The following CCDC178 variants were observed in gnomAD, a reference collection of about 807,000 sequenced individuals.
The protein encoded by CCDC178 is coiled-coil domain containing 178.
CCDC178 carries 126 observed loss-of-function variants against 117.4 expected under a neutral mutation model. The observed-to-expected ratio is 1.07, with a 90% CI of 0.93 to 1.24. The LOEUF (loss-of-function observed/expected upper bound fraction) is 1.24. Among genes scored for constraint, CCDC178 ranks in the 50% most tolerant of loss-of-function variants. CCDC178 has a pLI of 0.00. For missense variants in CCDC178, 1,030 were observed against 986.9 expected (o/e 1.04, Z -0.59); for synonymous variants, 283 against 313.4 (o/e 0.90, Z 1.02).
intron 14 of CCDC178, among the ~76,000 whole-genome samples, chr18:33,248,122 T>C (rs537712110): frequency 4.0e-5 from 6 of 151,882 alleles, no homozygotes; most frequent in Non-Finnish European, 7.4e-5. Flanking sequence ...TACAAAGTGA[T>C]GTAATAAATG....
At chr18:33,378,066 T>C (rs1201339597) in intron 5 of CCDC178, among the ~76,000 whole-genome samples, 68 of 152,222 alleles carry the variant, frequency 4.5e-4, no homozygotes, top group Admixed American at 4.4e-3. Context: ...ATTGATTCTT[T>C]CAATCCATGA....
intron 10 of CCDC178, among the ~76,000 whole-genome samples, chr18:33,325,741 G>A (rs187430394): frequency 1.3e-5 from 2 of 152,090 alleles, no homozygotes; most frequent in East Asian, 1.9e-4. Context: ...AGGTATTTTT[G>A]AGAGTATAAT....
intron 20 of CCDC178, among the ~76,000 whole-genome samples, chr18:33,166,102 A>C (rs2058524915): frequency 6.6e-6 from 1 of 152,170 alleles, no homozygotes; most frequent in South Asian, 2.1e-4. Context: ...AGAGTGAAAA[A>C]GACAGATATC....
intron 11 of CCDC178, among the ~76,000 whole-genome samples, chr18:33,314,671 C>T (rs138496045): frequency 6.6e-6 from 1 of 152,252 alleles, no homozygotes; most frequent in African/African-American, 2.4e-5. Context: ...TCGGATCTGA[C>T]CTTCCATCCC....
chr18:33,331,618 A>C (rs1442144495), intron 10 of CCDC178, among the ~76,000 whole-genome samples: 1 of 152,128 alleles, frequency 6.6e-6, no homozygotes, highest in African/African-American at 2.4e-5. Context: ...TCTCATTAGA[A>C]ATACAATGAG....
At chr18:33,301,651 G>T (rs914476007) in intron 11 of CCDC178, among the ~76,000 whole-genome samples, 1 of 152,216 alleles carries the variant, frequency 6.6e-6, no homozygotes, top group African/African-American at 2.4e-5. Flanking sequence ...TTATTTCAGA[G>T]CTTTAAGATT....
intron 21 of CCDC178, among the ~76,000 whole-genome samples, chr18:33,039,116 T>C (rs2144886574): frequency 6.6e-6 from 1 of 151,656 alleles, no homozygotes; most frequent in South Asian, 2.1e-4. Flanking sequence ...GACATGAAAA[T>C]AAAACAAATG....
chr18:33,100,516 T>C (rs893937414), intron 20 of CCDC178, among the ~76,000 whole-genome samples: 2 of 151,940 alleles, frequency 1.3e-5, no homozygotes, highest in African/African-American at 4.8e-5. Context: ...ATAAAAGGCA[T>C]ATCCACATAA....
intron 20 of CCDC178, among the ~76,000 whole-genome samples, chr18:33,180,274 T>C (rs988707755): frequency 1.5e-4 from 23 of 151,854 alleles, no homozygotes; most frequent in African/African-American, 4.8e-4. Flanking sequence ...TATAACTAAG[T>C]CCTTCTTTAT....
At chr18:33,270,749 G>A (rs1157300291) in intron 12 of CCDC178, among the ~76,000 whole-genome samples, 1 of 151,456 alleles carries the variant, frequency 6.6e-6, no homozygotes, top group Non-Finnish European at 1.5e-5. Flanking sequence ...AAATTGAGAT[G>A]AAAGAATGCT....
Position 33,264,206 on chromosome 18 carries a change from C to T in CCDC178, c.1409+2710G>A, listed in dbSNP as rs1283373860. 2.0e-5 allele frequency among the ~76,000 whole-genome samples: 3 copies of T among 151,936 alleles called. No homozygotes were observed. In the East Asian group the frequency reaches 5.8e-4, roughly 29 times the overall value. On this transcript the variant is annotated intron_variant, in intron 14 of 22. Transcript: ENST00000383096. ...TACTTGCTGCCTACATATAGACTTG[C>T]CAGTTTATATGTGCAAATAATCGAA...
chr18:33,204,071 G>T (rs1002508232), intron 20 of CCDC178, among the ~76,000 whole-genome samples: 2 of 152,040 alleles, frequency 1.3e-5, no homozygotes, highest in African/African-American at 4.8e-5. Flanking sequence ...GAAAACAAAA[G>T]ATTTTTAATT....
intron 14 of CCDC178, among the ~76,000 whole-genome samples, chr18:33,262,678 T>C (rs2059765410): frequency 6.6e-6 from 1 of 152,038 alleles, no homozygotes; most frequent in Admixed American, 6.6e-5. Context: ...ACAGGTCAGA[T>C]CATGCACTTT....
intron 20 of CCDC178, among the ~76,000 whole-genome samples, chr18:33,142,832 G>A (rs1001301395): frequency 3.9e-5 from 6 of 152,110 alleles, no homozygotes; most frequent in Admixed American, 3.3e-4. Context: ...AGTAATTGCA[G>A]TTTTTGCCAT....
At chr18:33,220,320 C>T (rs9676089) in intron 18 of CCDC178, among the ~76,000 whole-genome samples, 41 of 152,074 alleles carry the variant, frequency 2.7e-4, no homozygotes, top group African/African-American at 8.7e-4. Context: ...GCAATATAAT[C>T]AATGTTATAT....
intron 20 of CCDC178, among the ~76,000 whole-genome samples, chr18:33,170,914 GAAAA>G (rs1057328164): frequency 6.6e-6 from 1 of 151,888 alleles, no homozygotes. Flanking sequence ...TTATTTTCTA[GAAAA>G]AAATACTGTT....
At chr18:33,292,428 G>T (rs549261606) in intron 12 of CCDC178, among the ~76,000 whole-genome samples, 2 of 152,046 alleles carry the variant, frequency 1.3e-5, no homozygotes, top group Non-Finnish European at 2.9e-5. Context: ...GGAAGGGTAG[G>T]GGGTAGGGAC....
intron 21 of CCDC178, among the ~76,000 whole-genome samples, chr18:33,069,738 G>T (rs911641674): frequency 3.3e-5 from 5 of 152,004 alleles, no homozygotes; most frequent in African/African-American, 1.2e-4. Flanking sequence ...AAAGTGAAGA[G>T]ACAACTTGAA....
In CCDC178 at chr18:32,983,138, TAAA is replaced by T. The variant is rs560819848; in HGVS notation, c.2389-8460_2389-8458del. ...CAAAACTCCTCTAAAAAATAAAATC[TAAA>T]AAAAAAAAAACCACTTCTCAGTACA... On this transcript the variant is annotated intron_variant, in intron 21 of 22. Coordinates refer to ENST00000383096, the MANE Select transcript of CCDC178 (RefSeq NM_001105528.4). 4.4e-3 allele frequency: 1,819 copies of T among 409,728 alleles called. 29 individuals are homozygous for T. Among genetic ancestry groups the T allele is most frequent in the African/African-American group, 0.036 (1,650 of 46,014 alleles). The allele number at this position is 409,728 out of a possible 1,614,324, so 25.4% of individuals were successfully genotyped here.
Sources: gnomAD v4.1 joint callset for allele counts (sites outside exome capture counted in the v4.1 genomes callset) on GRCh38, gnomAD v4.1.1 for gene constraint, MANE v1.5 for transcripts, NCBI Gene and HGNC (gene_info 2026-07-23, HGNC 2026-07-21) for gene names.